RAD51B: variants seen among roughly 807,000 people sequenced by gnomAD.
RAD51B encodes DNA repair protein RAD51 homolog 2.
RAD51B carries 38 observed loss-of-function variants against 42.2 expected under a neutral mutation model. The observed-to-expected ratio is 0.90, with a 90% CI of 0.70 to 1.18. The LOEUF is 1.18. Among genes scored for constraint, RAD51B ranks in the 50% most tolerant of loss-of-function variants. The probability of loss-of-function intolerance (pLI) is 0.00; values close to 1 mark genes in which losing one functional copy is unlikely to be tolerated. For synonymous variants in RAD51B, 154 were observed against 145.2 expected (o/e 1.06, Z -0.43); for missense variants, 373 against 400.7 (o/e 0.93, Z 0.59).
At chr14:68,630,703 A>G (rs1301431691) in intron 10 of RAD51B, among the ~76,000 whole-genome samples, 1 of 143,322 alleles carries the variant, frequency 7.0e-6, no homozygotes. Flanking sequence ...TCGGCCGGTA[A>G]CTTCTACGGG....
intron 10 of RAD51B, among the ~76,000 whole-genome samples, chr14:68,589,293 A>G (rs985838525): frequency 1.1e-4 from 17 of 152,206 alleles, no homozygotes; most frequent in Non-Finnish European, 1.9e-4. Flanking sequence ...AGAGTGGCCT[A>G]CATTTGCAAA....
In RAD51B at chr14:68,394,236, C is replaced by T. The variant is rs571642494; in HGVS notation, c.854-17188C>T. Among the ~76,000 whole-genome samples the T allele has an allele frequency of 4.1e-4, 62 of 152,342 alleles. 1 individual carries two copies. The South Asian group carries it at 0.013, about 31-fold the overall frequency. On this transcript the variant is annotated intron_variant, in intron 8 of 10. Coordinates refer to ENST00000471583, the MANE Select transcript of RAD51B (RefSeq NM_133510.4). The stretch of plus-strand genomic sequence containing the variant: ...TAATCGCTGCTTCCGCAAACCCTTC[C>T]CCACCTTCCCAAGTTCTCAGGCCTC...
chr14:67,848,280 G>A (rs2041688525), intron 4 of RAD51B, among the ~76,000 whole-genome samples: 1 of 152,216 alleles, frequency 6.6e-6, no homozygotes, highest in South Asian at 2.1e-4. Flanking sequence ...GCCTCCCAAA[G>A]TGCTGGGATT....
chr14:68,311,346 G>A (rs1033420317), intron 8 of RAD51B, among the ~76,000 whole-genome samples: 2 of 152,152 alleles, frequency 1.3e-5, no homozygotes, highest in Admixed American at 6.5e-5. Context: ...TCTGGCCACC[G>A]TGTTTCTGCA....
At chr14:68,132,198 A>C (rs1224327257) in intron 7 of RAD51B, among the ~76,000 whole-genome samples, 1 of 152,218 alleles carries the variant, frequency 6.6e-6, no homozygotes, top group Non-Finnish European at 1.5e-5. Context: ...AAAGAATGGC[A>C]GGGAATCTTG....
chr14:68,313,825 G>T (rs981707677), intron 8 of RAD51B, among the ~76,000 whole-genome samples: 3 of 152,186 alleles, frequency 2.0e-5, no homozygotes, highest in Non-Finnish European at 2.9e-5. Flanking sequence ...CTAATAGAAG[G>T]CATTTGGAAT....
At chr14:68,399,398 A>T (rs2084024820) in intron 8 of RAD51B, among the ~76,000 whole-genome samples, 3 of 151,522 alleles carry the variant, frequency 2.0e-5, no homozygotes, top group Admixed American at 2.0e-4. Context: ...CTGGGACTAC[A>T]GGCACCCGCC....
At chr14:68,244,047 A>T (rs2080444282) in intron 7 of RAD51B, among the ~76,000 whole-genome samples, 1 of 152,174 alleles carries the variant, frequency 6.6e-6, no homozygotes, top group African/African-American at 2.4e-5. Flanking sequence ...AACCAGTGTT[A>T]TCTGTTAAAA....
intron 7 of RAD51B, among the ~76,000 whole-genome samples, chr14:68,130,387 T>C (rs1040062129): frequency 6.6e-6 from 1 of 152,228 alleles, no homozygotes; most frequent in Non-Finnish European, 1.5e-5. Flanking sequence ...GTTTTGAAAC[T>C]GATTAGCTGA....
intron 8 of RAD51B, among the ~76,000 whole-genome samples, chr14:68,321,802 G>A (rs1328753422): frequency 6.6e-6 from 1 of 152,116 alleles, no homozygotes; most frequent in Non-Finnish European, 1.5e-5. Context: ...CCCTGCTGGA[G>A]TACAGTGCTG....
At chr14:68,133,968 C>T (rs1055271431) in intron 7 of RAD51B, among the ~76,000 whole-genome samples, 1 of 152,018 alleles carries the variant, frequency 6.6e-6, no homozygotes, top group African/African-American at 2.4e-5. Flanking sequence ...GGGTACAACC[C>T]ATAAAACTTA....
rs1490833334 is a variant in RAD51B at position 68,092,358 on chromosome 14, A to G, written c.757-199526A>G. 3.3e-5 allele frequency among the ~76,000 whole-genome samples: 5 copies of G among 152,106 alleles called. No homozygotes were observed. The East Asian group carries it at 5.8e-4, about 18-fold the overall frequency. On this transcript the variant is annotated intron_variant, in intron 7 of 10. Transcript: ENST00000471583. ...ATGGAATGTTCTTCCATTTGTTTGTATCCTCTTTTATTTCATTGAGCAGTG... is the reference window on the plus strand; with the variant it reads ...ATGGAATGTTCTTCCATTTGTTTGTGTCCTCTTTTATTTCATTGAGCAGTG...
chr14:68,470,823 A>G, intron 10 of RAD51B: 1 of 400,604 alleles, frequency 2.5e-6, no homozygotes, highest in Non-Finnish European at 4.7e-6. Context: ...CGGGATCTCT[A>G]ACAGCCTTGT....
chr14:68,239,185 C>T (rs937000878), intron 7 of RAD51B, among the ~76,000 whole-genome samples: 7 of 152,226 alleles, frequency 4.6e-5, no homozygotes, highest in Non-Finnish European at 1.0e-4. Flanking sequence ...TCCCTCCTCA[C>T]TTCCCTCCTG....
intron 11 of RAD51B, among the ~76,000 whole-genome samples, chr14:68,674,302 G>A (rs1285764409): frequency 6.6e-6 from 1 of 151,948 alleles, no homozygotes; most frequent in Non-Finnish European, 1.5e-5. Flanking sequence ...ATACACACGT[G>A]TTTTCCTCCT....
In RAD51B at chr14:68,418,113, G is replaced by A. The variant is rs1431892771; in HGVS notation, c.957+6586G>A. On this transcript the variant is annotated intron_variant, in intron 9 of 10. Transcript: ENST00000471583. Reference sequence around the variant, plus strand: ...TTACGCGATTTGAAGAGAAACCAGAGTATACCACCATGATGTTTTAAACAT... The same window carrying A: ...TTACGCGATTTGAAGAGAAACCAGAATATACCACCATGATGTTTTAAACAT... 3.3e-5 allele frequency among the ~76,000 whole-genome samples: 5 copies of A among 152,108 alleles called. No homozygotes were observed. The South Asian group carries it at 1.0e-3, about 31-fold the overall frequency.
chr14:67,883,499 T>G (rs1490062537), intron 5 of RAD51B, among the ~76,000 whole-genome samples: 1 of 152,186 alleles, frequency 6.6e-6, no homozygotes, highest in Non-Finnish European at 1.5e-5. Flanking sequence ...GCTTTTGCAC[T>G]TGTTATAATT....
At chr14:67,922,416 A>G (rs2044355337) in intron 7 of RAD51B, among the ~76,000 whole-genome samples, 1 of 152,198 alleles carries the variant, frequency 6.6e-6, no homozygotes, top group Non-Finnish European at 1.5e-5. Context: ...AAGTTTAGGA[A>G]ATATTATTGC....
chr14:68,561,528 G>A (rs547517802), intron 10 of RAD51B, among the ~76,000 whole-genome samples: 4 of 152,350 alleles, frequency 2.6e-5, no homozygotes, highest in Non-Finnish European at 4.4e-5. Flanking sequence ...ATAGCAGTGT[G>A]AGGATTCAGG....
Sources: allele counts gnomAD v4.1 joint callset (sites outside exome capture counted in the v4.1 genomes callset), GRCh38; gene constraint gnomAD v4.1.1; transcripts MANE v1.5; gene names NCBI Gene and HGNC (gene_info 2026-07-23, HGNC 2026-07-21).